CTDSPL: variants seen among roughly 807,000 people sequenced by gnomAD.
The protein encoded by CTDSPL is CTD small phosphatase-like protein.
CTDSPL carries 8 observed loss-of-function variants against 30.5 expected under a neutral mutation model. The ratio of observed to expected loss-of-function variants is 0.26; its 90% CI spans 0.15 to 0.47. The LOEUF is 0.47. Ranked by LOEUF, CTDSPL falls within the 20% of genes least tolerant of loss-of-function variation. The pLI is 0.99. For missense variants in CTDSPL, 248 were observed against 366.1 expected, an observed-to-expected ratio of 0.68 and a Z score of 2.63; for synonymous variants, 110 against 137.9, an observed-to-expected ratio of 0.80 and a Z score of 1.42.
At chr3:37,971,320 C>A in intron 5 of CTDSPL, 87 bp from the exon 6 acceptor site, 1 of 1,177,514 alleles carries the variant, frequency 8.5e-7, no homozygotes, top group Non-Finnish European at 1.2e-6. Flanking sequence ...ACCTTTGTAG[C>A]AATTCTTCCT....
chr3:37,904,944 C>G (rs995534120), intron 1 of CTDSPL, among the ~76,000 whole-genome samples: 1 of 152,224 alleles, frequency 6.6e-6, no homozygotes, highest in African/African-American at 2.4e-5. Flanking sequence ...AATCACTCCT[C>G]TGGAAGCCTT....
At chr3:37,979,107 A>G (rs1216842414) in intron 7 of CTDSPL, among the ~76,000 whole-genome samples, 2 of 152,100 alleles carry the variant, frequency 1.3e-5, no homozygotes, top group African/African-American at 4.8e-5. Flanking sequence ...TAATAAGACA[A>G]CTCTATGCAG....
chr3:37,911,372 C>CTGAG (rs2125605978), intron 1 of CTDSPL, among the ~76,000 whole-genome samples: 1 of 152,286 alleles, frequency 6.6e-6, no homozygotes, highest in Non-Finnish European at 1.5e-5. Flanking sequence ...AACTTCAGAA[C>CTGAG]TGAGTCAAGG....
chr3:37,972,442 A>G (rs1395512468), intron 6 of CTDSPL, among the ~76,000 whole-genome samples: 2 of 152,216 alleles, frequency 1.3e-5, no homozygotes, highest in Non-Finnish European at 2.9e-5. Context: ...CAGTGAGCCA[A>G]GATCATGCCA....
chr3:37,924,440 T>C (rs1189960338), intron 1 of CTDSPL, among the ~76,000 whole-genome samples: 2 of 152,234 alleles, frequency 1.3e-5, no homozygotes, highest in Non-Finnish European at 2.9e-5. Context: ...GGAGACTTCC[T>C]TGTTTTATAA....
At chr3:37,917,902 C>T (rs1005575467) in intron 1 of CTDSPL, among the ~76,000 whole-genome samples, 2 of 152,110 alleles carry the variant, frequency 1.3e-5, no homozygotes, top group African/African-American at 2.4e-5. Context: ...ACCCCAAGGG[C>T]GTAGCAGGAT....
chr3:37,903,553 G>A (rs1336067694), intron 1 of CTDSPL, among the ~76,000 whole-genome samples: 1 of 152,144 alleles, frequency 6.6e-6, no homozygotes, highest in Non-Finnish European at 1.5e-5. Flanking sequence ...CTCAGTAGTG[G>A]CTTTAGGTTA....
chr3:37,888,553 G>C (rs1698288212), intron 1 of CTDSPL, among the ~76,000 whole-genome samples: 2 of 152,198 alleles, frequency 1.3e-5, no homozygotes, highest in African/African-American at 4.8e-5. Context: ...TGGTCCGTGA[G>C]CACTCAGCAA....
At chr3:37,965,398 A>AT (rs553985067) in intron 4 of CTDSPL, among the ~76,000 whole-genome samples, 15 of 151,336 alleles carry the variant, frequency 9.9e-5, no homozygotes, top group Middle Eastern at 3.4e-3. Flanking sequence ...TTAGTTAACC[A>AT]TTTTTTTTTG....
chr3:37,882,060 C>T (rs1698211611), intron 1 of CTDSPL, among the ~76,000 whole-genome samples: 1 of 152,194 alleles, frequency 6.6e-6, no homozygotes, highest in African/African-American at 2.4e-5. Context: ...GTAGTCCCAA[C>T]ACTTTGGGAG....
At chr3:37,909,261 C>T (rs1698553042) in intron 1 of CTDSPL, among the ~76,000 whole-genome samples, 1 of 152,158 alleles carries the variant, frequency 6.6e-6, no homozygotes, top group Non-Finnish European at 1.5e-5. Flanking sequence ...TGAAGCTCTC[C>T]AAGCCTTGCC....
chr3:37,979,266 CA>C (rs1451600489), intron 7 of CTDSPL, among the ~76,000 whole-genome samples: 2 of 150,334 alleles, frequency 1.3e-5, no homozygotes, highest in Non-Finnish European at 3.0e-5. Context: ...AGTTTGAAAC[CA>C]GCCTGGACAA....
chr3:37,934,447 A>G (rs988804611), intron 1 of CTDSPL, among the ~76,000 whole-genome samples: 10 of 152,234 alleles, frequency 6.6e-5, no homozygotes, highest in Admixed American at 3.9e-4. Context: ...GATTTTTCCC[A>G]TAATAAACAT....
chr3:37,894,907 C>A (rs1698374169), intron 1 of CTDSPL, among the ~76,000 whole-genome samples: 1 of 152,130 alleles, frequency 6.6e-6, no homozygotes. Context: ...TCAGTTGGTT[C>A]TCTCTTATAC....
intron 5 of CTDSPL, among the ~76,000 whole-genome samples, chr3:37,970,684 C>A (rs902393996): frequency 2.0e-5 from 3 of 152,290 alleles, no homozygotes; most frequent in Admixed American, 1.3e-4. Flanking sequence ...CCTGGCCTGG[C>A]CTGGTCAAAA....
chr3:37,891,801 T>C (rs1698329678), intron 1 of CTDSPL, among the ~76,000 whole-genome samples: 1 of 152,160 alleles, frequency 6.6e-6, no homozygotes, highest in South Asian at 2.1e-4. Context: ...AGAATAAGGA[T>C]GATGTACTGG....
intron 1 of CTDSPL, among the ~76,000 whole-genome samples, chr3:37,896,389 G>C (rs1026105124): frequency 1.3e-5 from 2 of 152,168 alleles, no homozygotes; most frequent in African/African-American, 4.8e-5. Flanking sequence ...AGGAGTCTGT[G>C]TAGATGTTTA....
intron 6 of CTDSPL, among the ~76,000 whole-genome samples, chr3:37,973,246 G>A (rs527374489): frequency 2.0e-5 from 3 of 152,356 alleles, no homozygotes; most frequent in African/African-American, 7.2e-5. Flanking sequence ...TGTAGCATCA[G>A]TGGCTCTTCC....
chr3:37,914,627 G>T (rs1416591806), intron 1 of CTDSPL, among the ~76,000 whole-genome samples: 1 of 152,128 alleles, frequency 6.6e-6, no homozygotes, highest in African/African-American at 2.4e-5. Context: ...ATGATGACTT[G>T]CATTCCTGCA....
Sources: gnomAD v4.1 joint callset for allele counts (sites outside exome capture counted in the v4.1 genomes callset) on GRCh38, gnomAD v4.1.1 for gene constraint, MANE v1.5 for transcripts, NCBI Gene and HGNC (gene_info 2026-07-23, HGNC 2026-07-21) for gene names.